Variants in NPHP3 observed in about 807,000 individuals in gnomAD.
NPHP3 encodes nephrocystin 3.
Under a neutral mutation model 171.9 loss-of-function variants are expected in NPHP3, and 123 were observed. That is an observed-to-expected ratio of 0.72 (90% confidence interval 0.62 to 0.83). The LOEUF (loss-of-function observed/expected upper bound fraction) is 0.83, where lower values mean the gene tolerates loss of function less well. Ranked by LOEUF, NPHP3 falls within the 40% of genes least tolerant of loss-of-function variation. NPHP3 has a pLI of 0.00. For missense variants in NPHP3, 1,506 were observed against 1,591.9 expected, an observed-to-expected ratio of 0.95 and a Z score of 0.92; for synonymous variants, 558 against 579.2, an observed-to-expected ratio of 0.96 and a Z score of 0.52.
chr3:132,713,127 T>C lies in NPHP3; in HGVS notation c.1117A>G (p.Ser373Gly), dbSNP rs1334555180. 1 of 1,417,198 alleles carries C rather than the reference T, an allele frequency of 7.1e-7. No homozygotes were observed. Among genetic ancestry groups the C allele is most frequent in the East Asian group, 2.3e-5 (1 of 42,970 alleles). 87.8% of individuals were successfully genotyped at this position (1,417,198 alleles called of 1,614,324 possible). Reference sequence around the variant, plus strand: ...AAATTACATTTTTTTTCAGCTTACCTTGGTAATGTTAAGTGAATAAATAAA... The same window carrying C: ...AAATTACATTTTTTTTCAGCTTACCCTGGTAATGTTAAGTGAATAAATAAA... ...VILFIHLTLP[S>G]LLLEDCEEAF... Residue 373 changes from serine (S) to glycine (G), a missense_variant and splice_region_variant, in exon 6 of 27, where the codon AGC becomes GGC. Coordinates refer to ENST00000337331, the MANE Select transcript of NPHP3 (RefSeq NM_153240.5).
chr3:132,688,906 G>A lies in NPHP3; in HGVS notation c.2884-15C>T, dbSNP rs1252381166. The A allele has an allele frequency of 6.2e-7, 1 of 1,613,984 alleles. No homozygotes were observed. ...GGTACTATGGCCTGGGGGGAAAAGGGGTGAAAGGCCAGTTAAAGTGAGTGA... is the reference window on the plus strand; with the variant it reads ...GGTACTATGGCCTGGGGGGAAAAGGAGTGAAAGGCCAGTTAAAGTGAGTGA... On this transcript the variant is annotated splice_polypyrimidine_tract_variant and intron_variant, in intron 20 of 26. Transcript: ENST00000337331.
At position 132,722,209 on chromosome 3, in the gene NPHP3, C is replaced by T. The variant is rs773431407; in HGVS notation, c.147G>A (p.Ala49=). 3.3e-6 allele frequency: 5 copies of T among 1,519,880 alleles called. No homozygotes were observed. In the South Asian group the frequency reaches 3.7e-5, roughly 11 times the overall value. The allele number at this position is 1,519,880 out of a possible 1,614,324, so 94.1% of individuals were successfully genotyped here. A position where few individuals can be genotyped will look rare whatever the true frequency, so the allele number is the denominator to read the frequency against. The change falls in exon 1 of 27, where the codon GCG becomes GCA. Residue 49 remains alanine, a synonymous_variant. Coordinates refer to ENST00000337331, the MANE Select transcript of NPHP3 (RefSeq NM_153240.5). ...CGGGCCCGGCCCCTGCTGCCGCCCC[C>T]GCGCCTCGGCGGAACGAGTTGCGCA... ...RLLRNSFRRG[A]GAAAGAGPGS...
chr3:132,712,551 G>T, intron 6 of NPHP3: 1 of 447,144 alleles, frequency 2.2e-6, no homozygotes, highest in Middle Eastern at 4.9e-4. Flanking sequence ...GGGATCACAA[G>T]GTTAGGAGAT....
intron 23 of NPHP3, chr3:132,685,119 C>T (rs943785898): frequency 1.3e-5 from 4 of 306,776 alleles, no homozygotes; most frequent in Admixed American, 4.5e-5. Flanking sequence ...TGTATTCACT[C>T]TTCCTCCCTT....
intron 6 of NPHP3, among the ~76,000 whole-genome samples, chr3:132,712,871 T>C (rs1485662256): frequency 6.6e-6 from 1 of 152,138 alleles, no homozygotes; most frequent in Non-Finnish European, 1.5e-5. Context: ...ATTTGGCCCT[T>C]GGGCTATATT....
intron 7 of NPHP3, among the ~76,000 whole-genome samples, chr3:132,707,808 G>A (rs1210226750): frequency 6.6e-6 from 1 of 152,044 alleles, no homozygotes; most frequent in Non-Finnish European, 1.5e-5. Context: ...TCTCAACATG[G>A]CAGCCAGAAA....
chr3:132,721,994 G>T lies in NPHP3; in HGVS notation c.362C>A (p.Thr121Lys). The T allele has an allele frequency of 6.2e-7, 1 of 1,613,166 alleles. No individual in the cohort carries two copies. Among genetic ancestry groups the T allele is most frequent in the Non-Finnish European group, 8.5e-7 (1 of 1,179,908 alleles). The change falls in exon 1 of 27, where the codon ACG becomes AAG. Residue 121 changes from threonine (T) to lysine (K), a missense_variant. Thr to Lys is a moderately conservative substitution (Grantham distance 78). Coordinates refer to ENST00000337331, the MANE Select transcript of NPHP3 (RefSeq NM_153240.5). ...TTCGGCCCGCAGCCGCTTGTTCTCC[G>T]TGTCCAGCTTGGCCTCGCGGCGGCC... ...SMGRREAKLD[T>K]ENKRLRAELQ...
intron 2 of NPHP3, among the ~76,000 whole-genome samples, 188 bp from the exon 3 acceptor site, chr3:132,719,332 G>A (rs1451046834): frequency 6.6e-6 from 1 of 152,142 alleles, no homozygotes; most frequent in Admixed American, 6.5e-5. Flanking sequence ...TGGAATTCCA[G>A]CAGGATGCGT....
At position 132,722,291 on chromosome 3, in the gene NPHP3, G is replaced by A. The variant is rs369447363; in HGVS notation, c.65C>T (p.Ala22Val). The stretch of plus-strand genomic sequence containing the variant: ...GATCTCGCAGGCCTCGCCGCCGCCC[G>A]CCCCGTACGTGTCCTCGATCACTTC... ...GGEVIEDTYG[A>V]GGGEACEIPV... Residue 22 changes from alanine to valine, a missense_variant, in exon 1 of 27, where the codon GCG becomes GTG. Ala to Val is a moderately conservative substitution (Grantham distance 64). Coordinates refer to ENST00000337331, the MANE Select transcript of NPHP3 (RefSeq NM_153240.5). 201 of 1,578,422 alleles carry A rather than the reference G, an allele frequency of 1.3e-4. No homozygotes were observed. The highest frequency in any genetic ancestry group is 9.3e-4 in the Middle Eastern group (5 of 5,352).
rs150091560 is a variant in NPHP3, at chr3:132,697,908, A to G, written c.1986-546T>C. Among the ~76,000 whole-genome samples, 1,039 of 152,290 alleles carry G rather than the reference A, an allele frequency of 6.8e-3. 17 individuals carry two copies. Among genetic ancestry groups the G allele is most frequent in the African/African-American group, 0.023 (973 of 41,550 alleles). ...AATTTCTTGGGGGAGGCAATTACAA[A>G]TAAAATGTCTAAAATGGCTCCTTAT... On this transcript the variant is annotated intron_variant, in intron 13 of 26. Coordinates refer to ENST00000337331, the MANE Select transcript of NPHP3 (RefSeq NM_153240.5).
intron 19 of NPHP3, among the ~76,000 whole-genome samples, chr3:132,689,590 C>G (rs1234986346): frequency 6.6e-6 from 1 of 152,174 alleles, no homozygotes; most frequent in Non-Finnish European, 1.5e-5. Context: ...ATCATGGCTA[C>G]TTACCAATGG....
chr3:132,683,968 C>A lies in NPHP3; in HGVS notation c.3571-444G>T, dbSNP rs144728539. Among the ~76,000 whole-genome samples, 183 of 152,270 alleles carry A rather than the reference C, an allele frequency of 1.2e-3. 1 individual carries two copies. The highest frequency in any genetic ancestry group is 3.8e-3 in the African/African-American group (157 of 41,562). ...TGGTGTCAGGATGACCAGTAATGGA[C>A]CCACAAAGTCTAAAGACAGTCTACA... On this transcript the variant is annotated intron_variant, in intron 24 of 26. Coordinates refer to ENST00000337331, the MANE Select transcript of NPHP3 (RefSeq NM_153240.5).
At chr3:132,707,676 A>G (rs1369339487) in intron 7 of NPHP3, among the ~76,000 whole-genome samples, 1 of 150,900 alleles carries the variant, frequency 6.6e-6, no homozygotes, top group Non-Finnish European at 1.5e-5. Flanking sequence ...AAATTTACTC[A>G]GAATCCTACC....
intron 12 of NPHP3, 56 bp from the exon 13 acceptor site, chr3:132,699,506 C>A (rs1939548194): frequency 1.8e-6 from 2 of 1,092,338 alleles, no homozygotes; most frequent in Non-Finnish European, 1.4e-6. Context: ...CAAAACAATC[C>A]AATAATAGCT....
chr3:132,685,948 G>A (rs1399689770), intron 23 of NPHP3: 1 of 326,388 alleles, frequency 3.1e-6, no homozygotes, highest in East Asian at 7.9e-5. Flanking sequence ...TTACTCAGGA[G>A]GCTGAGGCAG....
chr3:132,714,797 A>C (rs1055691329), intron 5 of NPHP3, among the ~76,000 whole-genome samples: 2 of 152,212 alleles, frequency 1.3e-5, no homozygotes, highest in Non-Finnish European at 2.9e-5. Flanking sequence ...TTGACATTTA[A>C]AACTAACTAA....
At chr3:132,700,131 G>A (rs1939567339) in intron 11 of NPHP3, 70 bp from the exon 12 acceptor site, 11 of 1,545,620 alleles carry the variant, frequency 7.1e-6, no homozygotes, top group Non-Finnish European at 9.8e-6. Flanking sequence ...AGAGCTGGGG[G>A]AAATATTTCT....
At position 132,708,108 on chromosome 3, in the gene NPHP3, T is replaced by G. The variant is rs1438498132; in HGVS notation, c.1268A>C (p.Lys423Thr). The G allele has an allele frequency of 3.7e-6, 6 of 1,614,064 alleles. No individual in the cohort carries two copies. Among genetic ancestry groups the G allele is most frequent in the Non-Finnish European group, 5.1e-6 (6 of 1,180,022 alleles). The change falls in exon 7 of 27, where the codon AAA becomes ACA. Residue 423 changes from lysine (K) to threonine (T), a missense_variant. By Grantham distance (78) the Lys-to-Thr change is moderately conservative (BLOSUM62 -1). Transcript: ENST00000337331. ...DQVSNLNKTS[K>T]AKIIDHSGDP... is the part of the protein sequence containing the mutation. ...AATGCCTATGAATTTTACCTTGGCT[T>G]TGCTGGTCTTGTTTAGATTAGAAAC...
At chr3:132,693,822 G>T (rs866652041) in intron 16 of NPHP3, 1 of 150,822 alleles carries the variant, frequency 6.6e-6, no homozygotes, top group Admixed American at 6.6e-5. Flanking sequence ...GCAGTGAGCC[G>T]AGATCGCGCC....
Sources: allele counts gnomAD v4.1 joint callset (sites outside exome capture counted in the v4.1 genomes callset), GRCh38; gene constraint gnomAD v4.1.1; transcripts MANE v1.5; gene names NCBI Gene and HGNC (gene_info 2026-07-23, HGNC 2026-07-21).